Variants in CRYBG1 observed in about 807,000 individuals in gnomAD.
CRYBG1 encodes beta/gamma crystallin domain-containing protein 1.
In CRYBG1, 139 loss-of-function variants were observed where a neutral mutation model predicts 189.2. That is an observed-to-expected ratio of 0.73 (90% CI 0.64 to 0.85). CRYBG1 has a LOEUF of 0.85. CRYBG1 is among the 40% of genes least tolerant of loss of function. The pLI is 0.00. For missense variants in CRYBG1, 2,611 were observed against 2,675.8 expected (o/e 0.98, Z 0.53); for synonymous variants, 1,023 against 1,017.1 (o/e 1.01, Z -0.11).
intron 2 of CRYBG1, among the ~76,000 whole-genome samples, chr6:106,504,029 GAAA>G (rs33971164): frequency 1.1e-5 from 1 of 88,550 alleles, no homozygotes; most frequent in African/African-American, 4.0e-5. Context: ...GACAGCATTA[GAAA>G]AAAAAAAAAA....
chr6:106,545,254 T>C (rs1774242613), intron 13 of CRYBG1, among the ~76,000 whole-genome samples: 1 of 152,194 alleles, frequency 6.6e-6, no homozygotes, highest in Non-Finnish European at 1.5e-5. Context: ...ATAATAGTAA[T>C]CTAACATAAA....
At chr6:106,451,634 T>C in intron 1 of CRYBG1, 60 bp from the exon 2 acceptor site, 1 of 1,401,938 alleles carries the variant, frequency 7.1e-7, no homozygotes, top group Non-Finnish European at 9.4e-7. Flanking sequence ...CCTTTGGGTT[T>C]CTTGAGATTT....
intron 1 of CRYBG1, among the ~76,000 whole-genome samples, chr6:106,438,377 TA>T (rs1771505363): frequency 6.6e-6 from 1 of 152,170 alleles, no homozygotes; most frequent in Admixed American, 6.5e-5. Context: ...CATGGTCACT[TA>T]ACAGTTTTTT....
chr6:106,489,647 T>TGGG (rs1772669436), intron 2 of CRYBG1, among the ~76,000 whole-genome samples: 1 of 144,454 alleles, frequency 6.9e-6, no homozygotes, highest in Admixed American at 7.0e-5. Flanking sequence ...GGTGAAACCC[T>TGGG]GTCTCTACTA....
chr6:106,420,222 G>A (rs1771097620), intron 1 of CRYBG1, among the ~76,000 whole-genome samples: 1 of 152,190 alleles, frequency 6.6e-6, no homozygotes, highest in Admixed American at 6.5e-5. Context: ...AGGAGCATTG[G>A]TGACCTGTGC....
rs1771849261 is a variant in CRYBG1, at chr6:106,360,751, C to G, written c.-158C>G. On this transcript the variant is annotated 5_prime_UTR_variant, in exon 1 of 22. Coordinates refer to ENST00000633556, the MANE Select transcript of CRYBG1 (RefSeq NM_001371242.2). The stretch of plus-strand genomic sequence containing the variant: ...CGCGCTGCGCTGGGTGCTGGTTCTG[C>G]AACCCGCGGCCGTCCCCCCGCATCC... 1.2e-6 allele frequency: 1 copy of G among 821,764 alleles called. No individual in the cohort carries two copies. Among genetic ancestry groups the G allele is most frequent in the Non-Finnish European group, 1.8e-6 (1 of 558,446 alleles). 50.9% of individuals were successfully genotyped at this position (821,764 alleles called of 1,614,324 possible). A position where few individuals can be genotyped will look rare whatever the true frequency, so the allele number is the denominator to read the frequency against.
intron 3 of CRYBG1, among the ~76,000 whole-genome samples, 166 bp downstream of exon 3, chr6:106,513,205 T>A (rs1220597779): frequency 1.3e-5 from 2 of 152,184 alleles, no homozygotes; most frequent in Non-Finnish European, 2.9e-5. Flanking sequence ...CAGTCAAGAT[T>A]TAAGATGACA....
chr6:106,518,065 G>A (rs1582812399), intron 3 of CRYBG1, among the ~76,000 whole-genome samples: 1 of 152,190 alleles, frequency 6.6e-6, no homozygotes, highest in East Asian at 1.9e-4. Flanking sequence ...AAATTTTTTG[G>A]TAATCTGAAA....
intron 9 of CRYBG1, chr6:106,541,341 G>A (rs751067122): frequency 4.6e-6 from 3 of 651,324 alleles, no homozygotes; most frequent in African/African-American, 3.6e-5. Flanking sequence ...AAACTTGCTA[G>A]GTCAAAAAAC....
At chr6:106,533,696 G>C (rs1773924771) in intron 8 of CRYBG1, among the ~76,000 whole-genome samples, 1 of 152,164 alleles carries the variant, frequency 6.6e-6, no homozygotes, top group Admixed American at 6.5e-5. Context: ...CCCAGGGTTT[G>C]GAACCCCAAC....
At chr6:106,539,290 A>AGATCTG in intron 8 of CRYBG1, 113 bp from the exon 9 acceptor site, 1 of 1,253,700 alleles carries the variant, frequency 8.0e-7, no homozygotes, top group Non-Finnish European at 1.1e-6. Context: ...TTCATTATGT[A>AGATCTG]GGTCCGTATC....
rs530698683 is a variant in CRYBG1 at position 106,520,272 on chromosome 6, G to A, written c.3064G>A (p.Ala1022Thr). The A allele has an allele frequency of 3.6e-5, 58 of 1,614,132 alleles. 1 individual carries two copies. In the South Asian group the frequency reaches 4.9e-4, roughly 14 times the overall value. Residue 1022 changes from alanine to threonine, a missense_variant, in exon 4 of 22, where the codon GCG becomes ACG. By Grantham distance (58) the Ala-to-Thr change is moderately conservative. This residue lies in a region of CRYBG1 where 1,622 missense variants were observed against 1,735.0 expected (regional missense o/e 0.93). Coordinates refer to ENST00000633556, the MANE Select transcript of CRYBG1 (RefSeq NM_001371242.2). ...NEHSHCTAEL[A>T]AKSGPQVIPP... ...ACACTCTCATTGCACAGCAGAGCTC[G>A]CGGCAAAATCTGGCCCACAAGTCAT...
chr6:106,362,609 C>T (rs1771901932), intron 1 of CRYBG1, among the ~76,000 whole-genome samples: 1 of 151,974 alleles, frequency 6.6e-6, no homozygotes, highest in South Asian at 2.1e-4. Flanking sequence ...GTGGTTGCAG[C>T]GGGGAGGTCT....
intron 2 of CRYBG1, among the ~76,000 whole-genome samples, chr6:106,462,265 G>T (rs1432991854): frequency 1.3e-5 from 2 of 152,118 alleles, no homozygotes; most frequent in Non-Finnish European, 2.9e-5. Context: ...CCGCCTCCCG[G>T]GTTCACGCCA....
chr6:106,455,514 T>C (rs1771868014), intron 2 of CRYBG1, among the ~76,000 whole-genome samples: 1 of 151,666 alleles, frequency 6.6e-6, no homozygotes, highest in Non-Finnish European at 1.5e-5. Context: ...AACAAGAATA[T>C]TGAGTAATGT....
chr6:106,519,124 C>T lies in CRYBG1; in HGVS notation c.1923-7C>T, dbSNP rs752323850. 19 of 1,590,474 alleles carry T rather than the reference C, an allele frequency of 1.2e-5. No homozygotes were observed. The Admixed American group carries it at 3.5e-4, about 29-fold the overall frequency. ...AATAACTTTATCTTCCTGCTTTTTC[C>T]TCACAGCCCTGCCAAGCCCAAACAT... On this transcript the variant is annotated splice_region_variant and splice_polypyrimidine_tract_variant and intron_variant, in intron 3 of 21. Coordinates refer to ENST00000633556, the MANE Select transcript of CRYBG1 (RefSeq NM_001371242.2).
chr6:106,499,991 A>G (rs1772966334), intron 2 of CRYBG1, among the ~76,000 whole-genome samples: 2 of 152,316 alleles, frequency 1.3e-5, no homozygotes, highest in Middle Eastern at 3.4e-3. Context: ...GTTCCCAATG[A>G]CAGAATTTCC....
At chr6:106,506,299 T>C (rs1361771243) in intron 2 of CRYBG1, among the ~76,000 whole-genome samples, 1 of 152,188 alleles carries the variant, frequency 6.6e-6, no homozygotes, top group East Asian at 1.9e-4. Flanking sequence ...CCATGCTAGC[T>C]GTTGGAAAGG....
chr6:106,429,754 T>C (rs1450009002), intron 1 of CRYBG1, among the ~76,000 whole-genome samples: 1 of 152,196 alleles, frequency 6.6e-6, no homozygotes. Context: ...CTGCATAAAA[T>C]GCAAGTAATA....
Sources: gnomAD v4.1 joint callset for allele counts (sites outside exome capture counted in the v4.1 genomes callset) on GRCh38, gnomAD v4.1.1 for gene constraint, gnomAD v4.1.1 regional missense constraint, MANE v1.5 for transcripts, NCBI Gene and HGNC (gene_info 2026-07-23, HGNC 2026-07-21) for gene names.